Variants in CFAP20DC observed in about 807,000 individuals in gnomAD.
The protein encoded by CFAP20DC is CFAP20 domain containing.
In CFAP20DC, 84 loss-of-function variants were observed where a neutral mutation model predicts 101.7. The ratio of observed to expected loss-of-function variants is 0.83; its 90% CI spans 0.69 to 0.99. The LOEUF is 0.99. CFAP20DC is among the 50% of genes least tolerant of loss of function. The pLI, the probability that CFAP20DC is intolerant of heterozygous loss-of-function variation, is 0.00. For synonymous variants in CFAP20DC, 359 were observed against 351.2 expected, an observed-to-expected ratio of 1.02 and a Z score of -0.25; for missense variants, 1,007 against 970.3, an observed-to-expected ratio of 1.04 and a Z score of -0.50.
chr3:58,979,552 A>G (rs2108478906), intron 4 of CFAP20DC, among the ~76,000 whole-genome samples: 1 of 152,214 alleles, frequency 6.6e-6, no homozygotes, highest in East Asian at 1.9e-4. Context: ...TATGACAAGA[A>G]TGAAATTCAG....
chr3:58,799,547 C>T lies in CFAP20DC; in HGVS notation c.2237+6848G>A, dbSNP rs1286881761. On this transcript the variant is annotated intron_variant, in intron 15 of 16. Coordinates refer to ENST00000482387, the MANE Select transcript of CFAP20DC (RefSeq NM_001394063.1). The surrounding 1 kb of genome is among the most constrained non-coding windows in gnomAD (Gnocchi z 4.9). Reference sequence around the variant, plus strand: ...GTTCATTTTTAAGTGGTGAGATTCACTGAATTCAACACCTATTTTTTATGT... The same window carrying T: ...GTTCATTTTTAAGTGGTGAGATTCATTGAATTCAACACCTATTTTTTATGT... Among the ~76,000 whole-genome samples the T allele has an allele frequency of 6.6e-6, 1 of 152,132 alleles. No individual in the cohort carries two copies. Among genetic ancestry groups the T allele is most frequent in the Non-Finnish European group, 1.5e-5 (1 of 68,032 alleles).
intron 5 of CFAP20DC, among the ~76,000 whole-genome samples, chr3:58,925,641 G>A (rs908313341): frequency 3.9e-5 from 6 of 152,234 alleles, no homozygotes; most frequent in Non-Finnish European, 1.5e-5. Context: ...AACAGACTGA[G>A]CACTTACTAT....
chr3:58,835,938 T>C (rs1044421169), intron 13 of CFAP20DC, among the ~76,000 whole-genome samples: 2 of 152,202 alleles, frequency 1.3e-5, no homozygotes, highest in African/African-American at 4.8e-5. Flanking sequence ...CAAAATGTTA[T>C]GTATAATTCA....
intron 5 of CFAP20DC, among the ~76,000 whole-genome samples, chr3:58,932,257 G>A (rs1421407679): frequency 6.6e-6 from 1 of 152,184 alleles, no homozygotes; most frequent in Non-Finnish European, 1.5e-5. Context: ...AAGCCTCCAA[G>A]AAATATGGGA....
intron 15 of CFAP20DC, among the ~76,000 whole-genome samples, chr3:58,779,312 G>A (rs1311930334): frequency 6.6e-6 from 1 of 152,114 alleles, no homozygotes; most frequent in Non-Finnish European, 1.5e-5. Context: ...AAAATAAAGG[G>A]ATGGAAAAGA....
rs962188605 is a variant in CFAP20DC at position 58,838,859 on chromosome 3, C to T, written c.1972-6970G>A. ...TACACTAGAAGGAATATAGTAAAAT[C>T]TAATCGAATAGGTTTCATACTATAT... is the stretch of plus-strand genomic sequence containing the variant. On this transcript the variant is annotated intron_variant, in intron 13 of 16. Transcript: ENST00000482387. Among the ~76,000 whole-genome samples the T allele has an allele frequency of 2.6e-5, 4 of 152,174 alleles. No homozygotes were observed. In the East Asian group the frequency reaches 5.8e-4, roughly 22 times the overall value.
Position 59,015,582 on chromosome 3 carries a change from G to A in CFAP20DC, c.278+23975C>T, listed in dbSNP as rs886150239. 2.6e-5 allele frequency among the ~76,000 whole-genome samples: 4 copies of A among 151,758 alleles called. No individual in the cohort carries two copies. The highest frequency in any genetic ancestry group is 5.9e-5 in the Non-Finnish European group (4 of 67,900). ...AGGAGGAGGGTTGGAGGGTGGAGGA[G>A]GAAGAAGGGCTATAGATCCCTAGAA... On this transcript the variant is annotated intron_variant, in intron 4 of 16. Coordinates refer to ENST00000482387, the MANE Select transcript of CFAP20DC (RefSeq NM_001394063.1). This position sits in a 1 kb window ranked among gnomAD's most constrained non-coding sequence, Gnocchi z 5.4.
intron 4 of CFAP20DC, among the ~76,000 whole-genome samples, chr3:59,024,492 T>C (rs1313429966): frequency 6.6e-6 from 1 of 152,162 alleles, no homozygotes; most frequent in Non-Finnish European, 1.5e-5. Context: ...ATAAATGCCA[T>C]TAACAGACAT....
intron 4 of CFAP20DC, among the ~76,000 whole-genome samples, chr3:58,948,327 A>T (rs1184748740): frequency 6.6e-6 from 1 of 152,208 alleles, no homozygotes; most frequent in East Asian, 1.9e-4. Context: ...TTTGAGTTGA[A>T]ATGCCAGCTC....
At chr3:58,760,865 T>C (rs2069503224) in intron 15 of CFAP20DC, among the ~76,000 whole-genome samples, 1 of 152,244 alleles carries the variant, frequency 6.6e-6, no homozygotes, top group Non-Finnish European at 1.5e-5. Flanking sequence ...TGAACCAGCC[T>C]TGCATCCCAG....
At position 58,849,382 on chromosome 3, in the gene CFAP20DC, C is replaced by A; in HGVS notation, c.1621G>T (p.Gly541Cys). 1 of 1,534,920 alleles carries A rather than the reference C, an allele frequency of 6.5e-7. No homozygotes were observed. Among genetic ancestry groups the A allele is most frequent in the Non-Finnish European group, 8.7e-7 (1 of 1,146,436 alleles). Residue 541 changes from glycine (G) to cysteine (C), a missense_variant, in exon 13 of 17, where the codon GGC becomes TGC. Physicochemically the swap from Gly to Cys is radical, Grantham distance 159. Coordinates refer to ENST00000482387, the MANE Select transcript of CFAP20DC (RefSeq NM_001394063.1). ...AACTCTGAAGGACCAGTTGTTGGGCCTCGAGAACCCTGGATACTGTGGTTA... is the reference window on the plus strand; with the variant it reads ...AACTCTGAAGGACCAGTTGTTGGGCATCGAGAACCCTGGATACTGTGGTTA... ...EGNHSIQGSR[G>C]PTTGPSELTQ... is the part of the protein sequence containing the mutation.
chr3:58,767,911 T>C (rs2070465841), intron 15 of CFAP20DC, among the ~76,000 whole-genome samples: 1 of 152,260 alleles, frequency 6.6e-6, no homozygotes, highest in South Asian at 2.1e-4. Context: ...CATTTCATCT[T>C]CAAGTAGTTT....
rs1185073650 is a variant in CFAP20DC, at chr3:58,722,438, G to C, written c.198-4810C>G. On this transcript the variant is annotated intron_variant, in intron 3 of 3. Transcript: ENST00000486145. This position sits in a 1 kb window ranked among gnomAD's most constrained non-coding sequence, Gnocchi z 4.5. ...GAGCCATGATAGGCAATTTTGCCCA[G>C]AGCAGCAGGGTGGCAACTGAGTCGG... Among the ~76,000 whole-genome samples the C allele has an allele frequency of 6.6e-6, 1 of 152,194 alleles. No individual in the cohort carries two copies. Among genetic ancestry groups the C allele is most frequent in the East Asian group, 1.9e-4 (1 of 5,196 alleles).
chr3:58,928,366 T>A (rs534359419), intron 5 of CFAP20DC, among the ~76,000 whole-genome samples: 1 of 152,320 alleles, frequency 6.6e-6, no homozygotes, highest in East Asian at 1.9e-4. Context: ...CATCTATAGA[T>A]CAGACAGGAC....
chr3:58,931,287 G>A (rs563872805), intron 5 of CFAP20DC, among the ~76,000 whole-genome samples: 2 of 152,190 alleles, frequency 1.3e-5, no homozygotes, highest in Non-Finnish European at 2.9e-5. Context: ...ACTGGGTGGA[G>A]ACCACCACAA....
intron 5 of CFAP20DC, among the ~76,000 whole-genome samples, chr3:58,931,465 C>T (rs1386466437): frequency 1.3e-5 from 2 of 151,634 alleles, no homozygotes; most frequent in Non-Finnish European, 3.0e-5. Context: ...GGGCAGACTG[C>T]CTCCTCAAGT....
At chr3:58,893,409 CTT>C (rs1427065303) in intron 6 of CFAP20DC, among the ~76,000 whole-genome samples, 1 of 152,070 alleles carries the variant, frequency 6.6e-6, no homozygotes, top group African/African-American at 2.4e-5. Flanking sequence ...TGGTTTTTGT[CTT>C]TGGTTCTGTG....
chr3:58,945,153 T>A (rs2089175036), intron 4 of CFAP20DC, among the ~76,000 whole-genome samples: 1 of 152,176 alleles, frequency 6.6e-6, no homozygotes, highest in Admixed American at 6.5e-5. Flanking sequence ...AAAGCTTAGT[T>A]AGTAAGGCTA....
At chr3:58,756,610 G>C (rs1364446862) in intron 15 of CFAP20DC, among the ~76,000 whole-genome samples, 5 of 151,910 alleles carry the variant, frequency 3.3e-5, no homozygotes, top group African/African-American at 1.2e-4. Context: ...CTACAGAAGG[G>C]CACATTTGGG....
Sources: gnomAD v4.1 joint callset for allele counts (sites outside exome capture counted in the v4.1 genomes callset) on GRCh38, gnomAD v4.1.1 for gene constraint, Gnocchi (gnomAD v3.1) non-coding constraint, MANE v1.5 for transcripts, NCBI Gene and HGNC (gene_info 2026-07-23, HGNC 2026-07-21) for gene names.